The following ZC3H12C variants were observed in gnomAD, a reference collection of about 807,000 sequenced individuals.
ZC3H12C encodes zinc finger CCCH-type containing 12C.
In ZC3H12C, 20 loss-of-function variants were observed where a neutral mutation model predicts 76.3. The observed-to-expected ratio is 0.26, with a 90% CI of 0.18 to 0.38. The LOEUF is 0.38. Ranked by LOEUF, ZC3H12C falls within the 10% of genes least tolerant of loss-of-function variation. The pLI, the probability that ZC3H12C is intolerant of heterozygous loss-of-function variation, is 1.00. For missense variants in ZC3H12C, 874 were observed against 1,086.5 expected, an observed-to-expected ratio of 0.80 and a Z score of 2.75; for synonymous variants, 352 against 399.6, an observed-to-expected ratio of 0.88 and a Z score of 1.42.
At chr11:110,122,754 G>A (rs1360119244) in intron 1 of ZC3H12C, among the ~76,000 whole-genome samples, 2 of 152,170 alleles carry the variant, frequency 1.3e-5, no homozygotes, top group Non-Finnish European at 2.9e-5. Context: ...TTAGTGTTCT[G>A]AGTACATTTA....
intron 2 of ZC3H12C, among the ~76,000 whole-genome samples, chr11:110,149,298 G>C (rs769964714): frequency 6.6e-6 from 1 of 152,150 alleles, no homozygotes; most frequent in South Asian, 2.1e-4. Context: ...TTCCCTCGCC[G>C]TTTAAAAGAT....
chr11:110,131,493 G>T (rs1861865320), intron 1 of ZC3H12C: 2 of 204,386 alleles, frequency 9.8e-6, no homozygotes, highest in Admixed American at 5.7e-5. Flanking sequence ...GCTATAAAAT[G>T]ATAAGATTTG....
chr11:110,135,821 A>G (rs549604723), intron 1 of ZC3H12C: 2 of 152,068 alleles, frequency 1.3e-5, no homozygotes, highest in Non-Finnish European at 2.9e-5. Flanking sequence ...GTTTGCTGCT[A>G]ATTTTATGTG....
At chr11:110,161,259 A>T (rs1031312880) in intron 4 of ZC3H12C, among the ~76,000 whole-genome samples, 2 of 152,200 alleles carry the variant, frequency 1.3e-5, no homozygotes, top group Non-Finnish European at 2.9e-5. Flanking sequence ...GATCACAAAC[A>T]CATGTGTAAT....
chr11:110,120,523 G>A (rs1234851183), intron 1 of ZC3H12C, among the ~76,000 whole-genome samples: 1 of 152,154 alleles, frequency 6.6e-6, no homozygotes, highest in African/African-American at 2.4e-5. Flanking sequence ...CACTTGACTT[G>A]TTTACAAAGA....
chr11:110,111,542 T>A (rs1330128969), intron 1 of ZC3H12C, among the ~76,000 whole-genome samples: 1 of 27,296 alleles, frequency 3.7e-5, no homozygotes, highest in Admixed American at 5.7e-4. Flanking sequence ...CCCAGTAGCT[T>A]TTTTTTTTTT....
At chr11:110,131,251 T>G in intron 1 of ZC3H12C, 1 of 704,766 alleles carries the variant, frequency 1.4e-6, no homozygotes, top group South Asian at 1.8e-5. Flanking sequence ...AATTAAGTTA[T>G]TTTTGTGAAA....
intron 2 of ZC3H12C, among the ~76,000 whole-genome samples, 195 bp downstream of exon 2, chr11:110,137,609 C>T (rs1222535297): frequency 4.6e-5 from 7 of 152,114 alleles, no homozygotes; most frequent in Non-Finnish European, 1.0e-4. Context: ...CATTTATCCC[C>T]GTATAGAGAC....
Position 110,112,997 on chromosome 11 carries a change from C to G in ZC3H12C, c.21+19565C>G, listed in dbSNP as rs1360795497. Among the ~76,000 whole-genome samples, 4 of 77,544 alleles carry G rather than the reference C, an allele frequency of 5.2e-5. No homozygotes were observed. The East Asian group carries it at 3.8e-3, about 73-fold the overall frequency. The allele number at this position is 77,544 out of a possible 152,430, so 50.9% of individuals were successfully genotyped here. A position where few individuals can be genotyped will look rare whatever the true frequency, so the allele number is the denominator to read the frequency against. ...CTGGTTTAAAGTTCTTATCGCCCCCCCCTACCAAAAAAAAAGATTTAAAAA... is the reference window on the plus strand; with the variant it reads ...CTGGTTTAAAGTTCTTATCGCCCCCGCCTACCAAAAAAAAAGATTTAAAAA... On this transcript the variant is annotated intron_variant, in intron 1 of 5. Coordinates refer to ENST00000278590, the MANE Select transcript of ZC3H12C (RefSeq NM_033390.2).
intron 2 of ZC3H12C, among the ~76,000 whole-genome samples, chr11:110,148,386 G>A (rs1385056753): frequency 3.9e-5 from 6 of 152,170 alleles, no homozygotes; most frequent in East Asian, 3.8e-4. Context: ...TAGGCATCTC[G>A]TATTTTTCTA....
rs2134203524 is a variant in ZC3H12C, at chr11:110,165,386, T to G, written c.2301T>G (p.Pro767=). 1 of 1,614,000 alleles carries G rather than the reference T, an allele frequency of 6.2e-7. No homozygotes were observed. The highest frequency in any genetic ancestry group is 1.3e-5 in the African/African-American group (1 of 75,058). ...GTTCTCCTTCACGACAAAGAAAGCC[T>G]TATTCCCGCCAGGAAGGCCTGGGAA... ...YDSSPSRQRK[P]YSRQEGLGSW... The change falls in exon 6 of 6, where the codon CCT becomes CCG. Residue 767 remains proline (P), a synonymous_variant. Coordinates refer to ENST00000278590, the MANE Select transcript of ZC3H12C (RefSeq NM_033390.2).
rs978909566 is a variant in ZC3H12C, at chr11:110,168,777, C to T, written c.*3040C>T. The T allele has an allele frequency of 6.6e-6, 1 of 152,024 alleles. No individual in the cohort carries two copies. 9.4% of individuals were successfully genotyped at this position (152,024 alleles called of 1,614,324 possible). On this transcript the variant is annotated 3_prime_UTR_variant, in exon 6 of 6. Coordinates refer to ENST00000278590, the MANE Select transcript of ZC3H12C (RefSeq NM_033390.2). Reference sequence around the variant, plus strand: ...TTTCAGTCTTGTTTTTATGATCTCTCTCTATATCCTGATAAGAGTTTGTCA... The same window carrying T: ...TTTCAGTCTTGTTTTTATGATCTCTTTCTATATCCTGATAAGAGTTTGTCA...
At chr11:110,132,324 G>T (rs868256818) in intron 1 of ZC3H12C, among the ~76,000 whole-genome samples, 1 of 152,098 alleles carries the variant, frequency 6.6e-6, no homozygotes, top group African/African-American at 2.4e-5. Context: ...AGGAATTTCA[G>T]TGTGTGCAAT....
At chr11:110,116,509 T>C (rs957105287) in intron 1 of ZC3H12C, among the ~76,000 whole-genome samples, 9 of 152,242 alleles carry the variant, frequency 5.9e-5, no homozygotes, top group Admixed American at 5.9e-4. Context: ...TCTATAAATA[T>C]GTGGTAAGAA....
In ZC3H12C at chr11:110,151,893, G is replaced by A. The variant is rs551855858; in HGVS notation, c.774-1026G>A. Among the ~76,000 whole-genome samples, 46 of 76,604 alleles carry A rather than the reference G, an allele frequency of 6.0e-4. 1 individual carries two copies. The South Asian group carries it at 0.014, about 23-fold the overall frequency. The allele number at this position is 76,604 out of a possible 152,430, so 50.3% of individuals were successfully genotyped here. A position where few individuals can be genotyped will look rare whatever the true frequency, so the allele number is the denominator to read the frequency against. ...TTTTACTAAAAATGATTAGCCATAT[G>A]TTAGATGGTTCTAGGGTTTCCCAGG... On this transcript the variant is annotated intron_variant, in intron 2 of 5. Coordinates refer to ENST00000278590, the MANE Select transcript of ZC3H12C (RefSeq NM_033390.2).
chr11:110,136,746 G>A lies in ZC3H12C; in HGVS notation c.105G>A (p.Lys35=). ...CACGTAACAACTTCATGGGCTTGAA[G>A]GATCACCTAGGGCATGACCTCGGCC... ...SSTRNNFMGL[K]DHLGHDLGHL... The change falls in exon 2 of 6, where the codon AAG becomes AAA. Residue 35 remains lysine, a synonymous_variant. Transcript: ENST00000278590. The A allele has an allele frequency of 6.2e-7, 1 of 1,613,954 alleles. No homozygotes were observed. The highest frequency in any genetic ancestry group is 8.5e-7 in the Non-Finnish European group (1 of 1,179,878).
chr11:110,169,561 G>A lies in ZC3H12C; in HGVS notation c.*3824G>A, dbSNP rs1439111798. On this transcript the variant is annotated 3_prime_UTR_variant, in exon 6 of 6. Coordinates refer to ENST00000278590, the MANE Select transcript of ZC3H12C (RefSeq NM_033390.2). Reference sequence around the variant, plus strand: ...CCATTTTATTGTCATCTAACTCCTGGAGAATTCCCACGTGACCTGAAATCA... The same window carrying A: ...CCATTTTATTGTCATCTAACTCCTGAAGAATTCCCACGTGACCTGAAATCA... The A allele has an allele frequency of 3.9e-5, 6 of 152,108 alleles. No homozygotes were observed. Among genetic ancestry groups the A allele is most frequent in the Admixed American group, 2.6e-4 (4 of 15,256 alleles). 9.4% of individuals were successfully genotyped at this position (152,108 alleles called of 1,614,324 possible).
At position 110,165,019 on chromosome 11, in the gene ZC3H12C, A is replaced by T. The variant is rs1486376624; in HGVS notation, c.1934A>T (p.Asp645Val). 6.2e-7 allele frequency: 1 copy of T among 1,613,812 alleles called. No homozygotes were observed. The highest frequency in any genetic ancestry group is 8.5e-7 in the Non-Finnish European group (1 of 1,179,884). Residue 645 changes from aspartate to valine, a missense_variant, in exon 6 of 6, where the codon GAC (aspartate) becomes GTC (valine). By Grantham distance (152) the Asp-to-Val change is radical. Transcript: ENST00000278590. ...AGTGACTCCTACGTGGGTTACAATG[A>T]CCGGTCCTATGTCAGCTCCCCCGAC... Reference protein sequence around the residue: ...GSSDSYVGYNDRSYVSSPDPQ... With the variant: ...GSSDSYVGYNVRSYVSSPDPQ...
At chr11:110,162,224 G>A (rs985209626) in intron 4 of ZC3H12C, among the ~76,000 whole-genome samples, 1 of 152,194 alleles carries the variant, frequency 6.6e-6, no homozygotes, top group African/African-American at 2.4e-5. Flanking sequence ...AATTGTATTT[G>A]TGTTTGATTA....
Sources: gnomAD v4.1 joint callset for allele counts (sites outside exome capture counted in the v4.1 genomes callset) on GRCh38, gnomAD v4.1.1 for gene constraint, MANE v1.5 for transcripts, NCBI Gene and HGNC (gene_info 2026-07-23, HGNC 2026-07-21) for gene names.